SLX4: variants seen among roughly 807,000 people sequenced by gnomAD.
SLX4 encodes the protein SLX4 structure-specific endonuclease subunit, also known as structure-specific endonuclease subunit SLX4.
Under a neutral mutation model 146.2 loss-of-function variants are expected in SLX4, and 112 were observed. That is an observed-to-expected ratio of 0.77 (90% CI 0.66 to 0.90). The LOEUF (loss-of-function observed/expected upper bound fraction) is 0.90, where lower values mean the gene tolerates loss of function less well. Ranked by LOEUF, SLX4 falls within the 40% of genes least tolerant of loss-of-function variation. The pLI is 0.00. For missense variants in SLX4, 2,563 were observed against 2,392.7 expected, an observed-to-expected ratio of 1.07 and a Z score of -1.49; for synonymous variants, 1,061 against 997.7, an observed-to-expected ratio of 1.06 and a Z score of -1.20.
At position 3,582,196 on chromosome 16, in the gene SLX4, A is replaced by G; in HGVS notation, c.*146T>C. 1.5e-6 allele frequency: 1 copy of G among 672,296 alleles called. No homozygotes were observed. The highest frequency in any genetic ancestry group is 2.6e-6 in the Non-Finnish European group (1 of 391,672). The allele number at this position is 672,296 out of a possible 1,614,324, so 41.6% of individuals were successfully genotyped here. On this transcript the variant is annotated 3_prime_UTR_variant, in exon 15 of 15. Coordinates refer to ENST00000294008, the MANE Select transcript of SLX4 (RefSeq NM_032444.4). The stretch of plus-strand genomic sequence containing the variant: ...GGAAGCCCTGGATTGGGCTGTGGTC[A>G]TCATCACAGCGCAGAGCTGATGTGG...
intron 12 of SLX4, among the ~76,000 whole-genome samples, 173 bp from the exon 13 acceptor site, chr16:3,585,044 A>G (rs1290048208): frequency 1.3e-5 from 2 of 152,148 alleles, no homozygotes; most frequent in Admixed American, 6.5e-5. Flanking sequence ...GGGCTTCCCA[A>G]TGATAGCATC....
At position 3,608,875 on chromosome 16, in the gene SLX4, G is replaced by A. The variant is rs118089506; in HGVS notation, c.90C>T (p.Ser30=). 13,438 of 1,614,138 alleles carry A rather than the reference G, an allele frequency of 8.3e-3. 70 individuals carry two copies. The highest frequency in any genetic ancestry group is 9.8e-3 in the Non-Finnish European group (11,550 of 1,180,038). Residue 30 remains serine, a synonymous_variant, in exon 2 of 15, where the codon TCC becomes TCT. Coordinates refer to ENST00000294008, the MANE Select transcript of SLX4 (RefSeq NM_032444.4). ...TAAGGCTTTCAGGCTGGTCTTCAGA[G>A]GAGCGAGGGTCAATCCCAGGACAGG... ...LSACPGIDPR[S]SEDQPESLKT...
chr16:3,588,148 T>C (rs1005984811), intron 12 of SLX4, among the ~76,000 whole-genome samples: 1 of 152,218 alleles, frequency 6.6e-6, no homozygotes, highest in Non-Finnish European at 1.5e-5. Context: ...GTATTCACAA[T>C]GTTGTACAAC....
At chr16:3,582,833 G>T in intron 14 of SLX4, 140 bp from the exon 15 acceptor site, 2 of 895,598 alleles carry the variant, frequency 2.2e-6, no homozygotes, top group Non-Finnish European at 3.5e-6. Flanking sequence ...GGCAGGACGG[G>T]CCTGAGAGAT....
At position 3,595,649 on chromosome 16, in the gene SLX4, C is replaced by A. The variant is rs1327077245; in HGVS notation, c.1969G>T (p.Val657Leu). Residue 657 changes from valine (V) to leucine (L), a missense_variant, in exon 9 of 15, where the codon GTG becomes TTG. Transcript: ENST00000294008. ...PGGLPLTGFV[V>L]PSQDKHPDRG... ...TCCGGGTGCTTGTCCTGCGATGGCA[C>A]CACAAACCCAGTCAGAGGAAGGCCG... The A allele has an allele frequency of 6.2e-7, 1 of 1,614,080 alleles. No homozygotes were observed. Among genetic ancestry groups the A allele is most frequent in the East Asian group, 2.2e-5 (1 of 44,870 alleles).
rs1023320643 is a variant in SLX4 at position 3,590,019 on chromosome 16, G to T, written c.3619C>A (p.Pro1207Thr). The T allele has an allele frequency of 2.1e-5, 34 of 1,613,982 alleles. No homozygotes were observed. The highest frequency in any genetic ancestry group is 2.8e-5 in the Non-Finnish European group (33 of 1,180,034). Residue 1207 changes from proline to threonine, a missense_variant, in exon 12 of 15, where the codon CCA becomes ACA. By Grantham distance (38) the Pro-to-Thr change is conservative. Coordinates refer to ENST00000294008, the MANE Select transcript of SLX4 (RefSeq NM_032444.4). The surrounding 1 kb of genome is among the most constrained non-coding windows in gnomAD (Gnocchi z 4.8). ...VDADQEPSQS[P>T]PRSEAVLQQE... ...TGCAGCACAGCTTCGCTTCTTGGTG[G>T]GCTCTGGGAAGGTTCCTGATCTGCA... is the stretch of plus-strand genomic sequence containing the variant.
Position 3,609,298 on chromosome 16 carries a change from C to T in SLX4, c.-334G>A. The T allele has an allele frequency of 3.6e-6, 1 of 280,682 alleles. No individual in the cohort carries two copies. Among genetic ancestry groups the T allele is most frequent in the African/African-American group, 2.2e-5 (1 of 45,792 alleles). 17.4% of individuals were successfully genotyped at this position (280,682 alleles called of 1,614,324 possible). A position where few individuals can be genotyped will look rare whatever the true frequency, so the allele number is the denominator to read the frequency against. ...TAGCAGATGCCTGTAATCCCAGCTA[C>T]TCGGGAGGCAGAGGCAAGAGAATCG... On this transcript the variant is annotated 5_prime_UTR_variant, in exon 2 of 15. Coordinates refer to ENST00000294008, the MANE Select transcript of SLX4 (RefSeq NM_032444.4).
intron 4 of SLX4, 40 bp from the exon 5 acceptor site, chr16:3,601,231 A>C (rs1173168646): frequency 1.2e-6 from 2 of 1,602,716 alleles, no homozygotes; most frequent in African/African-American, 2.7e-5. Flanking sequence ...CACCCTCCCC[A>C]GGAATGTGGA....
At chr16:3,598,512 C>T (rs774285318) in intron 5 of SLX4, among the ~76,000 whole-genome samples, 3 of 152,210 alleles carry the variant, frequency 2.0e-5, no homozygotes, top group Non-Finnish European at 2.9e-5. Context: ...TTATACCAGC[C>T]GCCCCGGGAC....
At chr16:3,596,524 C>G in intron 7 of SLX4, 131 bp from the exon 8 acceptor site, 1 of 1,163,740 alleles carries the variant, frequency 8.6e-7, no homozygotes, top group Non-Finnish European at 1.2e-6. Flanking sequence ...TGGGGACAGA[C>G]TGTCCCCGGG....
chr16:3,581,996 T>C lies in SLX4; in HGVS notation c.*346A>G, dbSNP rs1567165405. On this transcript the variant is annotated 3_prime_UTR_variant, in exon 15 of 15. Coordinates refer to ENST00000294008, the MANE Select transcript of SLX4 (RefSeq NM_032444.4). ...AGGCGGAGGTTGCAGTGAGCCGAGA[T>C]TGTGCCACTGCACTCCAGCCTAGGT... is the stretch of plus-strand genomic sequence containing the variant. 2 of 329,484 alleles carry C rather than the reference T, an allele frequency of 6.1e-6. No individual in the cohort carries two copies. The highest frequency in any genetic ancestry group is 1.1e-5 in the Non-Finnish European group (2 of 176,546). 20.4% of individuals were successfully genotyped at this position (329,484 alleles called of 1,614,324 possible). A position where few individuals can be genotyped will look rare whatever the true frequency, so the allele number is the denominator to read the frequency against.
Position 3,581,992 on chromosome 16 carries a change from G to C in SLX4, c.*350C>G, listed in dbSNP as rs1486345090. On this transcript the variant is annotated 3_prime_UTR_variant, in exon 15 of 15. Coordinates refer to ENST00000294008, the MANE Select transcript of SLX4 (RefSeq NM_032444.4). Reference sequence around the variant, plus strand: ...CGGGAGGCGGAGGTTGCAGTGAGCCGAGATTGTGCCACTGCACTCCAGCCT... The same window carrying C: ...CGGGAGGCGGAGGTTGCAGTGAGCCCAGATTGTGCCACTGCACTCCAGCCT... 6.2e-6 allele frequency: 2 copies of C among 321,980 alleles called. No homozygotes were observed. Among genetic ancestry groups the C allele is most frequent in the Non-Finnish European group, 1.2e-5 (2 of 171,982 alleles). 19.9% of individuals were successfully genotyped at this position (321,980 alleles called of 1,614,324 possible). A position where few individuals can be genotyped will look rare whatever the true frequency, so the allele number is the denominator to read the frequency against.
Position 3,598,504 on chromosome 16 carries a change from A to G in SLX4, c.1164-505T>C, listed in dbSNP as rs115261834. 6.3e-3 allele frequency among the ~76,000 whole-genome samples: 954 copies of G among 152,302 alleles called. 9 individuals carry two copies. Among genetic ancestry groups the G allele is most frequent in the African/African-American group, 0.018 (735 of 41,568 alleles). On this transcript the variant is annotated intron_variant, in intron 5 of 14. Coordinates refer to ENST00000294008, the MANE Select transcript of SLX4 (RefSeq NM_032444.4). Reference sequence around the variant, plus strand: ...GCTTAGGCTGCCGATGGTCAACATTATACCAGCCGCCCCGGGACTCTGCAC... The same window carrying G: ...GCTTAGGCTGCCGATGGTCAACATTGTACCAGCCGCCCCGGGACTCTGCAC...
chr16:3,594,029 G>A (rs2040621786), intron 10 of SLX4, among the ~76,000 whole-genome samples: 1 of 152,038 alleles, frequency 6.6e-6, no homozygotes, highest in Non-Finnish European at 1.5e-5. Flanking sequence ...CCGCCACCAT[G>A]CCCGGCTAAT....
Position 3,594,966 on chromosome 16 carries a change from C to G in SLX4, c.2014-367G>C, listed in dbSNP as rs535740502. Among the ~76,000 whole-genome samples the G allele has an allele frequency of 5.9e-5, 9 of 152,302 alleles. No individual in the cohort carries two copies. The East Asian group carries it at 1.7e-3, about 29-fold the overall frequency. ...AGGTGCACCCATCCCCTGTGACGGA[C>G]AAGCACCCTGAGTCCAAGCAGCTCG... On this transcript the variant is annotated intron_variant, in intron 9 of 14. Coordinates refer to ENST00000294008, the MANE Select transcript of SLX4 (RefSeq NM_032444.4).
chr16:3,591,359 C>T lies in SLX4; in HGVS notation c.2328-49G>A, dbSNP rs761391938. On this transcript the variant is annotated intron_variant, in intron 11 of 14. Transcript: ENST00000294008. ...CATCGCCCCTCTGCGTGGAGATGGG[C>T]TCTGGGTGCCCCGGTGGGGTGGCGG... 6 of 1,602,288 alleles carry T rather than the reference C, an allele frequency of 3.7e-6. No individual in the cohort carries two copies. The South Asian group carries it at 6.6e-5, about 18-fold the overall frequency.
At chr16:3,600,878 G>A in intron 5 of SLX4, 101 bp downstream of exon 5, 4 of 1,291,244 alleles carry the variant, frequency 3.1e-6, no homozygotes, top group South Asian at 1.3e-5. Context: ...TTACAGGTGT[G>A]AACTACTGCG....
chr16:3,596,208 C>T lies in SLX4; in HGVS notation c.1869G>A (p.Leu623=). 3 of 1,550,422 alleles carry T rather than the reference C, an allele frequency of 1.9e-6. No homozygotes were observed. The highest frequency in any genetic ancestry group is 2.6e-6 in the Non-Finnish European group (3 of 1,149,162). ...CACTGCCGGGCCACGGGCTGGCGCTCAGTCCCTCCCTCGCCAGGTCCACGA... is the reference window on the plus strand; with the variant it reads ...CACTGCCGGGCCACGGGCTGGCGCTTAGTCCCTCCCTCGCCAGGTCCACGA... ...QDLVDLAREG[L]SASPWPGSGG... is the part of the protein sequence containing the mutation. The change falls in exon 8 of 15, where the codon CTG becomes CTA. Residue 623 remains leucine (L), a synonymous_variant. Transcript: ENST00000294008.
In SLX4 at chr16:3,590,500, G is replaced by A. The variant is rs527904726; in HGVS notation, c.3138C>T (p.Arg1046=). Residue 1046 remains arginine (R), a synonymous_variant, in exon 12 of 15, where the codon CGC becomes CGT. Transcript: ENST00000294008. The surrounding 1 kb of genome is among the most constrained non-coding windows in gnomAD (Gnocchi z 4.8). ...ACGACCCACTTGTGTGATGAGACCC[G>A]CGGGGACTCCCGCCCTGGGGAGGCC... ...LLGPPQGGSP[R]GSHHTSGSSL... is the part of the protein sequence containing the mutation. 1.4e-5 allele frequency: 23 copies of A among 1,613,760 alleles called. No homozygotes were observed. The highest frequency in any genetic ancestry group is 6.7e-5 in the Admixed American group (4 of 60,024).
Sources: gnomAD v4.1 joint callset for allele counts (sites outside exome capture counted in the v4.1 genomes callset) on GRCh38, gnomAD v4.1.1 for gene constraint, Gnocchi (gnomAD v3.1) non-coding constraint, MANE v1.5 for transcripts, NCBI Gene and HGNC (gene_info 2026-07-23, HGNC 2026-07-21) for gene names.